The following SNN variants were observed in gnomAD, a reference collection of about 807,000 sequenced individuals.
SNN encodes stannin.
Under a neutral mutation model 5.3 loss-of-function variants are expected in SNN, and 5 were observed. The ratio of observed to expected loss-of-function variants is 0.94; its 90% CI spans 0.49 to 1.97. SNN has a LOEUF of 1.97. SNN is among the 30% of genes most tolerant of loss of function. SNN has a pLI of 0.01. For synonymous variants in SNN, 67 were observed against 52.1 expected (o/e 1.29, Z -1.24); for missense variants, 127 against 121.6 (o/e 1.04, Z -0.21).
Position 11,676,169 on chromosome 16 carries a change from G to C in SNN, c.110G>C (p.Arg37Pro). Residue 37 changes from arginine (R) to proline (P), a missense_variant, in exon 2 of 2, where the codon CGG becomes CCG. Physicochemically the swap from Arg to Pro is moderately radical, Grantham distance 103. Transcript: ENST00000329565. ...ATCCTGGGCTGCTGGTGCTACCTGC[G>C]GCTGCAGCGCATCAGCCAGTCAGAG... is the stretch of plus-strand genomic sequence containing the variant. The part of the protein sequence containing the change: ...ALILGCWCYL[R>P]LQRISQSEDE... 6.2e-7 allele frequency: 1 copy of C among 1,614,220 alleles called. No individual in the cohort carries two copies. The highest frequency in any genetic ancestry group is 2.2e-5 in the East Asian group (1 of 44,886).
rs2050245001 is a variant in SNN at position 11,668,720 on chromosome 16, C to T, written c.-86+180C>T. 6.7e-6 allele frequency among the ~76,000 whole-genome samples: 1 copy of T among 148,232 alleles called. No individual in the cohort carries two copies. Among genetic ancestry groups the T allele is most frequent in the South Asian group, 2.1e-4 (1 of 4,748 alleles). Reference sequence around the variant, plus strand: ...TCGGGGGAGGGTCCGTTCCAGGGGCCGCGCCCGCGGGCTGGGGTTCTTTGT... The same window carrying T: ...TCGGGGGAGGGTCCGTTCCAGGGGCTGCGCCCGCGGGCTGGGGTTCTTTGT... On this transcript the variant is annotated intron_variant, in intron 1 of 1. Transcript: ENST00000329565. The surrounding 1 kb of genome is among the most constrained non-coding windows in gnomAD (Gnocchi z 6.8).
chr16:11,669,493 G>T (rs2050252632), intron 1 of SNN, among the ~76,000 whole-genome samples: 1 of 152,244 alleles, frequency 6.6e-6, no homozygotes, highest in Admixed American at 6.5e-5. Flanking sequence ...CTACTTTTGA[G>T]CTGTGTGACC....
chr16:11,676,341 C>G lies in SNN; in HGVS notation c.*15C>G. 1.9e-6 allele frequency: 3 copies of G among 1,604,488 alleles called. No individual in the cohort carries two copies. Among genetic ancestry groups the G allele is most frequent in the Non-Finnish European group, 2.6e-6 (3 of 1,172,512 alleles). ...TCCACGGCTGAGCCAGGATGCAAGGCTCCTGGTCCTGTTTGCAGCCGGCCA... is the reference window on the plus strand; with the variant it reads ...TCCACGGCTGAGCCAGGATGCAAGGGTCCTGGTCCTGTTTGCAGCCGGCCA... On this transcript the variant is annotated 3_prime_UTR_variant, in exon 2 of 2. Coordinates refer to ENST00000329565, the MANE Select transcript of SNN (RefSeq NM_003498.6).
chr16:11,674,978 T>C (rs990982546), intron 1 of SNN, among the ~76,000 whole-genome samples: 1 of 152,172 alleles, frequency 6.6e-6, no homozygotes, highest in African/African-American at 2.4e-5. Flanking sequence ...TCCCCGAAGC[T>C]TTCCCAAGTG....
chr16:11,671,451 T>C lies in SNN; in HGVS notation c.-86+2911T>C, dbSNP rs1344903388. Among the ~76,000 whole-genome samples the C allele has an allele frequency of 6.6e-6, 1 of 152,176 alleles. No homozygotes were observed. The highest frequency in any genetic ancestry group is 1.5e-5 in the Non-Finnish European group (1 of 68,026). ...CACTTGGAAGACCCCTTGGCTCTGC[T>C]GGGCTCCCCTCTGGGCTCCCATCCT... On this transcript the variant is annotated intron_variant, in intron 1 of 1. Transcript: ENST00000329565. This position sits in a 1 kb window ranked among gnomAD's most constrained non-coding sequence, Gnocchi z 4.7.
intron 1 of SNN, among the ~76,000 whole-genome samples, chr16:11,674,181 G>A (rs2050283720): frequency 6.6e-6 from 1 of 152,220 alleles, no homozygotes; most frequent in Admixed American, 6.5e-5. Context: ...GCTGATGTCA[G>A]TCTTATCCAA....
Position 11,676,349 on chromosome 16 carries a change from C to T in SNN, c.*23C>T. 1 of 1,602,806 alleles carries T rather than the reference C, an allele frequency of 6.2e-7. No homozygotes were observed. The highest frequency in any genetic ancestry group is 2.2e-5 in the East Asian group (1 of 44,542). On this transcript the variant is annotated 3_prime_UTR_variant, in exon 2 of 2. Transcript: ENST00000329565. ...TGAGCCAGGATGCAAGGCTCCTGGT[C>T]CTGTTTGCAGCCGGCCAAGAGGCGC...
At chr16:11,675,860 G>T in intron 1 of SNN, 115 bp from the exon 2 acceptor site, 1 of 577,126 alleles carries the variant, frequency 1.7e-6, no homozygotes, top group Non-Finnish European at 3.0e-6. Context: ...GCCTTCGAAC[G>T]CCGGCCAGCA....
chr16:11,673,848 A>G (rs1327972509), intron 1 of SNN, among the ~76,000 whole-genome samples: 2 of 152,204 alleles, frequency 1.3e-5, no homozygotes, highest in African/African-American at 4.8e-5. Context: ...TCCTGGCTGC[A>G]GTGGCCCCTG....
At chr16:11,674,801 A>C (rs192518424) in intron 1 of SNN, among the ~76,000 whole-genome samples, 1 of 151,986 alleles carries the variant, frequency 6.6e-6, no homozygotes, top group Admixed American at 6.5e-5. Context: ...CCTGCCTCCC[A>C]CCTGCCCACC....
At position 11,671,441 on chromosome 16, in the gene SNN, T is replaced by C. The variant is rs2050265443; in HGVS notation, c.-86+2901T>C. On this transcript the variant is annotated intron_variant, in intron 1 of 1. Coordinates refer to ENST00000329565, the MANE Select transcript of SNN (RefSeq NM_003498.6). This position sits in a 1 kb window ranked among gnomAD's most constrained non-coding sequence, Gnocchi z 4.7. Reference sequence around the variant, plus strand: ...GGCCCCTCTGCACTTGGAAGACCCCTTGGCTCTGCTGGGCTCCCCTCTGGG... The same window carrying C: ...GGCCCCTCTGCACTTGGAAGACCCCCTGGCTCTGCTGGGCTCCCCTCTGGG... 6.6e-6 allele frequency among the ~76,000 whole-genome samples: 1 copy of C among 152,142 alleles called. No homozygotes were observed. The highest frequency in any genetic ancestry group is 6.5e-5 in the Admixed American group (1 of 15,270).
In SNN at chr16:11,676,307, G is replaced by C; in HGVS notation, c.248G>C (p.Gly83Ala). The C allele has an allele frequency of 6.2e-7, 1 of 1,613,418 alleles. No individual in the cohort carries two copies. The highest frequency in any genetic ancestry group is 1.1e-5 in the South Asian group (1 of 91,080). The change falls in exon 2 of 2, where the codon GGC (glycine) becomes GCC (alanine). Residue 83 changes from glycine to alanine, a missense_variant. Transcript: ENST00000329565. ...AAGGCCAAGCTGATGACTCCCAACGGCCCGGAAGTCCACGGCTGAGCCAGG... is the reference window on the plus strand; with the variant it reads ...AAGGCCAAGCTGATGACTCCCAACGCCCCGGAAGTCCACGGCTGAGCCAGG... ...ERKAKLMTPN[G>A]PEVHG
chr16:11,676,454 C>T lies in SNN; in HGVS notation c.*128C>T. On this transcript the variant is annotated 3_prime_UTR_variant, in exon 2 of 2. Coordinates refer to ENST00000329565, the MANE Select transcript of SNN (RefSeq NM_003498.6). The stretch of plus-strand genomic sequence containing the variant: ...TTGCTGGCATGGCCTCTGCGGGCTT[C>T]GTCATCGCATGCACTGATGCCCGGG... 4.2e-6 allele frequency: 5 copies of T among 1,182,160 alleles called. No homozygotes were observed. Among genetic ancestry groups the T allele is most frequent in the East Asian group, 2.6e-5 (1 of 38,806 alleles). The allele number at this position is 1,182,160 out of a possible 1,614,324, so 73.2% of individuals were successfully genotyped here.
intron 1 of SNN, among the ~76,000 whole-genome samples, chr16:11,669,413 G>C (rs1195477428): frequency 1.3e-5 from 2 of 152,250 alleles, no homozygotes; most frequent in African/African-American, 2.4e-5. Flanking sequence ...GGGAGAATGT[G>C]GCATTTTAGA....
At chr16:11,673,287 G>A (rs1567279491) in intron 1 of SNN, among the ~76,000 whole-genome samples, 3 of 152,150 alleles carry the variant, frequency 2.0e-5, no homozygotes, top group Non-Finnish European at 4.4e-5. Flanking sequence ...GCAGGGGAGA[G>A]GCCAGGGTGG....
rs2050309126 is a variant in SNN at position 11,676,997 on chromosome 16, C to T, written c.*671C>T. 1.2e-5 allele frequency: 2 copies of T among 167,332 alleles called. No individual in the cohort carries two copies. Among genetic ancestry groups the T allele is most frequent in the African/African-American group, 2.4e-5 (1 of 41,462 alleles). The allele number at this position is 167,332 out of a possible 1,614,324, so 10.4% of individuals were successfully genotyped here. On this transcript the variant is annotated 3_prime_UTR_variant, in exon 2 of 2. Coordinates refer to ENST00000329565, the MANE Select transcript of SNN (RefSeq NM_003498.6). ...CTGCATAGACTCACTTGTTAAATAG[C>T]AGTTCTGTTGAGAGTGGAGTTACTG...
intron 1 of SNN, among the ~76,000 whole-genome samples, chr16:11,670,802 A>G (rs2050261769): frequency 6.6e-6 from 1 of 152,076 alleles, no homozygotes; most frequent in South Asian, 2.1e-4. Flanking sequence ...TGGCCTCTGG[A>G]GTGGGATCAG....
intron 1 of SNN, 57 bp from the exon 2 acceptor site, chr16:11,675,918 A>T: frequency 1.1e-6 from 1 of 889,694 alleles, no homozygotes; most frequent in Non-Finnish European, 1.7e-6. Context: ...GAGAACGATT[A>T]AAAATAGACC....
rs1258128760 is a variant in SNN at position 11,668,565 on chromosome 16, C to G, written c.-86+25C>G. On this transcript the variant is annotated intron_variant, in intron 1 of 1. Transcript: ENST00000329565. This position sits in a 1 kb window ranked among gnomAD's most constrained non-coding sequence, Gnocchi z 6.8. ...GGTGAGCCGGGCGGGGCAGGCCGCG[C>G]GCTCGGGCCGGGCGGGGGCGCCGGG... 1 of 144,242 alleles carries G rather than the reference C, an allele frequency of 6.9e-6. No homozygotes were observed. The highest frequency in any genetic ancestry group is 1.5e-5 in the Non-Finnish European group (1 of 64,878). 8.9% of individuals were successfully genotyped at this position (144,242 alleles called of 1,614,324 possible). A position where few individuals can be genotyped will look rare whatever the true frequency, so the allele number is the denominator to read the frequency against.
Sources: gnomAD v4.1 joint callset for allele counts (sites outside exome capture counted in the v4.1 genomes callset) on GRCh38, gnomAD v4.1.1 for gene constraint, Gnocchi (gnomAD v3.1) non-coding constraint, MANE v1.5 for transcripts, NCBI Gene and HGNC (gene_info 2026-07-23, HGNC 2026-07-21) for gene names.